Variants in NRP1 observed in about 807,000 individuals in gnomAD.
NRP1 encodes the protein neuropilin 1.
Under a neutral mutation model 106.7 loss-of-function variants are expected in NRP1, and 35 were observed. That is an observed-to-expected ratio of 0.33 (90% CI 0.25 to 0.43). The LOEUF is 0.43. Ranked by LOEUF, NRP1 falls within the 20% of genes least tolerant of loss-of-function variation. The probability of loss-of-function intolerance (pLI) is 1.00; values close to 1 mark genes in which losing one functional copy is unlikely to be tolerated. For missense variants in NRP1, 1,024 were observed against 1,170.4 expected, an observed-to-expected ratio of 0.87 and a Z score of 1.83; for synonymous variants, 437 against 417.9, an observed-to-expected ratio of 1.05 and a Z score of -0.56.
At chr10:33,180,903 T>C (rs534063117) in intron 16 of NRP1, among the ~76,000 whole-genome samples, 30 of 152,314 alleles carry the variant, frequency 2.0e-4, no homozygotes, top group South Asian at 4.1e-4. Context: ...AAGTCTACAG[T>C]AGTTTCAGTA....
intron 12 of NRP1, chr10:33,195,386 A>G (rs1442831150): frequency 5.1e-6 from 2 of 390,450 alleles, no homozygotes; most frequent in Non-Finnish European, 1.0e-5. Context: ...AGCATTAACC[A>G]GCTTTTATGC....
At chr10:33,273,334 G>A (rs1843451168) in intron 2 of NRP1, among the ~76,000 whole-genome samples, 1 of 152,174 alleles carries the variant, frequency 6.6e-6, no homozygotes, top group African/African-American at 2.4e-5. Context: ...AGTTGCAGAG[G>A]GGAGTATTGC....
intron 8 of NRP1, among the ~76,000 whole-genome samples, chr10:33,216,528 A>T (rs1241996911): frequency 6.6e-6 from 1 of 151,848 alleles, no homozygotes; most frequent in East Asian, 1.9e-4. Flanking sequence ...ATCATGGCTC[A>T]CTGCAGCCTT....
intron 3 of NRP1, among the ~76,000 whole-genome samples, chr10:33,266,225 T>C (rs548576356): frequency 3.9e-5 from 6 of 152,358 alleles, no homozygotes; most frequent in Non-Finnish European, 7.3e-5. Context: ...ATTTTGGTGC[T>C]TTCACTTTGC....
chr10:33,277,835 A>G (rs138943119), intron 2 of NRP1, among the ~76,000 whole-genome samples: 79 of 152,140 alleles, frequency 5.2e-4, no homozygotes, highest in African/African-American at 1.7e-3. Flanking sequence ...TATTTTTCCT[A>G]TATATATTTT....
chr10:33,224,423 G>A (rs564093957), intron 7 of NRP1, among the ~76,000 whole-genome samples: 1 of 152,208 alleles, frequency 6.6e-6, no homozygotes, highest in Admixed American at 6.5e-5. Context: ...ACAAAAAATG[G>A]TCATGTTGCT....
chr10:33,293,429 C>A (rs1845145242), intron 2 of NRP1, among the ~76,000 whole-genome samples: 1 of 152,134 alleles, frequency 6.6e-6, no homozygotes, highest in South Asian at 2.1e-4. Flanking sequence ...CAGTCACATA[C>A]AATTAATTTC....
At chr10:33,213,299 A>C in intron 9 of NRP1, 87 bp downstream of exon 9, 1 of 1,614,028 alleles carries the variant, frequency 6.2e-7, no homozygotes, top group Middle Eastern at 1.6e-4. Context: ...GAAGGAAATA[A>C]GAAGCCCTTC....
chr10:33,328,991 T>C (rs986726933), intron 2 of NRP1, among the ~76,000 whole-genome samples: 1 of 152,196 alleles, frequency 6.6e-6, no homozygotes. Context: ...TACCAGAGTT[T>C]CTCCTATAGC....
intron 13 of NRP1, 100 bp from the exon 14 acceptor site, chr10:33,186,588 G>A: frequency 7.1e-7 from 1 of 1,403,194 alleles, no homozygotes; most frequent in Non-Finnish European, 9.6e-7. Context: ...CCTGCGCTGA[G>A]CACCAAGAAC....
At chr10:33,320,718 C>A (rs560300967) in intron 2 of NRP1, among the ~76,000 whole-genome samples, 6 of 152,192 alleles carry the variant, frequency 3.9e-5, no homozygotes, top group Non-Finnish European at 5.9e-5. Flanking sequence ...GAGTTCAATA[C>A]AAGTGTCAGC....
chr10:33,296,275 G>C (rs1386388602), intron 2 of NRP1, among the ~76,000 whole-genome samples: 1 of 152,224 alleles, frequency 6.6e-6, no homozygotes, highest in Admixed American at 6.5e-5. Flanking sequence ...CCCACGGCCA[G>C]ACAGGAAGGC....
chr10:33,240,407 C>T (rs1162505220), intron 6 of NRP1, among the ~76,000 whole-genome samples: 1 of 152,236 alleles, frequency 6.6e-6, no homozygotes, highest in Non-Finnish European at 1.5e-5. Flanking sequence ...CAAACAGCAT[C>T]TGTCTATTCC....
chr10:33,286,867 G>A (rs1844607616), intron 2 of NRP1, among the ~76,000 whole-genome samples: 1 of 152,024 alleles, frequency 6.6e-6, no homozygotes, highest in Non-Finnish European at 1.5e-5. Context: ...TTTTGCGTGT[G>A]TGTAATATAA....
chr10:33,258,304 T>A (rs1842341172), intron 4 of NRP1, among the ~76,000 whole-genome samples: 1 of 152,150 alleles, frequency 6.6e-6, no homozygotes, highest in Non-Finnish European at 1.5e-5. Context: ...TAAACCAAAA[T>A]GGTTCACCTA....
intron 2 of NRP1, among the ~76,000 whole-genome samples, chr10:33,277,111 TA>T (rs547384604): frequency 0.042 from 5,283 of 125,042 alleles, 112 homozygotes; most frequent in Non-Finnish European, 0.066. Context: ...TCTCTAAAAT[TA>T]AAAAAAAAAA....
intron 7 of NRP1, among the ~76,000 whole-genome samples, chr10:33,223,706 T>G (rs929435054): frequency 1.3e-5 from 2 of 152,212 alleles, no homozygotes; most frequent in Non-Finnish European, 2.9e-5. Context: ...TCCCAGCCTG[T>G]GATGGCCTTT....
chr10:33,259,538 T>C (rs902953447), intron 4 of NRP1, among the ~76,000 whole-genome samples: 1 of 152,128 alleles, frequency 6.6e-6, no homozygotes, highest in African/African-American at 2.4e-5. Context: ...GCCGAGGAGA[T>C]GAATGAAAAT....
At chr10:33,190,083 T>C (rs184906150) in intron 13 of NRP1, among the ~76,000 whole-genome samples, 35 of 152,356 alleles carry the variant, frequency 2.3e-4, no homozygotes, top group Admixed American at 6.5e-4. Flanking sequence ...CGACAAGCTC[T>C]CCTTCTCTGA....
Sources: gnomAD v4.1 joint callset for allele counts (sites outside exome capture counted in the v4.1 genomes callset) on GRCh38, gnomAD v4.1.1 for gene constraint, MANE v1.5 for transcripts, NCBI Gene and HGNC (gene_info 2026-07-23, HGNC 2026-07-21) for gene names.